Variants in CACNA2D3 observed in about 807,000 individuals in gnomAD.
CACNA2D3 encodes voltage-dependent calcium channel subunit alpha-2/delta-3.
CACNA2D3 carries 60 observed loss-of-function variants against 160.6 expected under a neutral mutation model. That is an observed-to-expected ratio of 0.37 (90% CI 0.30 to 0.46). The LOEUF (loss-of-function observed/expected upper bound fraction) is 0.46, where lower values mean the gene tolerates loss of function less well. CACNA2D3 is among the 20% of genes least tolerant of loss of function. CACNA2D3 has a pLI of 1.00. For synonymous variants in CACNA2D3, 558 were observed against 492.9 expected, an observed-to-expected ratio of 1.13 and a Z score of -1.75; for missense variants, 1,205 against 1,365.0, an observed-to-expected ratio of 0.88 and a Z score of 1.85.
chr3:54,324,015 G>A (rs1704068596), intron 3 of CACNA2D3, among the ~76,000 whole-genome samples: 1 of 152,098 alleles, frequency 6.6e-6, no homozygotes, highest in Non-Finnish European at 1.5e-5. Context: ...ATTTCCATTG[G>A]TGTATATAAA....
intron 27 of CACNA2D3, among the ~76,000 whole-genome samples, chr3:54,930,399 C>G (rs1701154753): frequency 6.6e-6 from 1 of 152,194 alleles, no homozygotes; most frequent in Non-Finnish European, 1.5e-5. Context: ...AGGCACTCTA[C>G]TTACCAGCTT....
At chr3:54,342,914 G>A (rs1296363728) in intron 3 of CACNA2D3, among the ~76,000 whole-genome samples, 1 of 152,174 alleles carries the variant, frequency 6.6e-6, no homozygotes, top group East Asian at 1.9e-4. Flanking sequence ...TGCCTCAGAG[G>A]AGCATGAGGC....
At chr3:54,359,242 T>G (rs1698701565) in intron 3 of CACNA2D3, among the ~76,000 whole-genome samples, 1 of 152,152 alleles carries the variant, frequency 6.6e-6, no homozygotes, top group African/African-American at 2.4e-5. Context: ...TAGGAATAAA[T>G]TAAACTCTAT....
intron 4 of CACNA2D3, among the ~76,000 whole-genome samples, chr3:54,460,073 C>T (rs1700471878): frequency 6.6e-6 from 1 of 151,802 alleles, no homozygotes; most frequent in South Asian, 2.1e-4. Context: ...TGTCAAAGAT[C>T]AGATAGTTGT....
chr3:54,350,667 G>A (rs1315013482), intron 3 of CACNA2D3, among the ~76,000 whole-genome samples: 3 of 152,146 alleles, frequency 2.0e-5, no homozygotes, highest in Admixed American at 2.0e-4. Context: ...ATCAACACCA[G>A]CCACATTGTA....
chr3:54,791,836 G>A (rs1257297149), intron 13 of CACNA2D3, among the ~76,000 whole-genome samples: 1 of 152,170 alleles, frequency 6.6e-6, no homozygotes, highest in Admixed American at 6.5e-5. Flanking sequence ...CCTTTACTCT[G>A]ATGGATAGTC....
At chr3:54,158,169 A>G (rs1316015331) in intron 2 of CACNA2D3, among the ~76,000 whole-genome samples, 1 of 152,016 alleles carries the variant, frequency 6.6e-6, no homozygotes, top group African/African-American at 2.4e-5. Context: ...CTGGCCCTGT[A>G]TTTCTGTGGC....
chr3:54,836,284 G>T (rs1698685343), intron 14 of CACNA2D3, among the ~76,000 whole-genome samples: 1 of 147,140 alleles, frequency 6.8e-6, no homozygotes, highest in Non-Finnish European at 1.5e-5. Context: ...ACCCAGCCTG[G>T]AGTGCAGTGG....
chr3:54,966,340 A>G (rs1012642336), intron 27 of CACNA2D3, among the ~76,000 whole-genome samples: 1 of 152,186 alleles, frequency 6.6e-6, no homozygotes, highest in Non-Finnish European at 1.5e-5. Context: ...AATGCAGTCA[A>G]CTACCATCAG....
At chr3:55,062,244 C>T (rs1355537686) in intron 35 of CACNA2D3, among the ~76,000 whole-genome samples, 4 of 151,308 alleles carry the variant, frequency 2.6e-5, no homozygotes, top group African/African-American at 7.3e-5. Flanking sequence ...CTCAGCCTCC[C>T]GAGTAGCTGG....
chr3:54,247,880 TAG>T (rs1702111689), intron 2 of CACNA2D3, among the ~76,000 whole-genome samples: 1 of 151,394 alleles, frequency 6.6e-6, no homozygotes, highest in Non-Finnish European at 1.5e-5. Context: ...GTACCATGCC[TAG>T]TACCATGCCT....
chr3:54,221,660 C>CTAAA (rs1286834657), intron 2 of CACNA2D3, among the ~76,000 whole-genome samples: 1 of 152,096 alleles, frequency 6.6e-6, no homozygotes, highest in Non-Finnish European at 1.5e-5. Context: ...TTCACAGATG[C>CTAAA]TAAAGTCTTT....
chr3:54,696,327 A>G (rs566450215), intron 11 of CACNA2D3, among the ~76,000 whole-genome samples: 2 of 152,268 alleles, frequency 1.3e-5, no homozygotes, highest in South Asian at 2.1e-4. Flanking sequence ...GATATTCTGC[A>G]TGGCAGGGCA....
intron 11 of CACNA2D3, among the ~76,000 whole-genome samples, chr3:54,739,804 T>C (rs116603792): frequency 0.011 from 1,613 of 151,268 alleles, 32 homozygotes; most frequent in African/African-American, 0.038. Flanking sequence ...TGGAATTATA[T>C]ATATGTGTGT....
At chr3:54,617,254 T>C (rs1698874361) in intron 9 of CACNA2D3, among the ~76,000 whole-genome samples, 1 of 152,208 alleles carries the variant, frequency 6.6e-6, no homozygotes, top group Non-Finnish European at 1.5e-5. Flanking sequence ...ACTAAAAGGC[T>C]GTACCTCTTC....
chr3:54,805,361 A>C (rs1029544258), intron 13 of CACNA2D3, among the ~76,000 whole-genome samples: 3 of 152,374 alleles, frequency 2.0e-5, no homozygotes, highest in Admixed American at 6.5e-5. Context: ...AAAAAATGAT[A>C]AAGGGGATAT....
intron 10 of CACNA2D3, among the ~76,000 whole-genome samples, chr3:54,628,102 G>A (rs138305006): frequency 6.6e-5 from 10 of 152,226 alleles, no homozygotes; most frequent in African/African-American, 2.2e-4. Context: ...CATGGTGGCG[G>A]GTGCCTGTAG....
At position 54,807,163 on chromosome 3, in the gene CACNA2D3, G is replaced by A. The variant is rs1262221979; in HGVS notation, c.1381-9690G>A. ...GCATGGGCAAGGACTTCATGTCTAAGACACCAAAAGCAATGGCAACAAAAG... is the reference window on the plus strand; with the variant it reads ...GCATGGGCAAGGACTTCATGTCTAAAACACCAAAAGCAATGGCAACAAAAG... On this transcript the variant is annotated intron_variant, in intron 13 of 37. Transcript: ENST00000474759. 9.2e-5 allele frequency among the ~76,000 whole-genome samples: 14 copies of A among 152,214 alleles called. No individual in the cohort carries two copies. In the East Asian group the frequency reaches 1.7e-3, roughly 19 times the overall value.
intron 17 of CACNA2D3, among the ~76,000 whole-genome samples, chr3:54,862,669 G>A (rs1699317824): frequency 6.6e-6 from 1 of 152,058 alleles, no homozygotes; most frequent in South Asian, 2.1e-4. Flanking sequence ...CACTGCCCAG[G>A]GACTAAGTTA....
Sources: gnomAD v4.1 joint callset for allele counts (sites outside exome capture counted in the v4.1 genomes callset) on GRCh38, gnomAD v4.1.1 for gene constraint, MANE v1.5 for transcripts, NCBI Gene and HGNC (gene_info 2026-07-23, HGNC 2026-07-21) for gene names.